The following DNAJC21 variants were observed in gnomAD, a reference collection of about 807,000 sequenced individuals.
DNAJC21 encodes dnaJ homolog subfamily C member 21.
A neutral mutation model predicts 72.4 loss-of-function variants in DNAJC21; 63 were observed. The ratio of observed to expected loss-of-function variants is 0.87; its 90% CI spans 0.71 to 1.07. The LOEUF is 1.07. Ranked by LOEUF, DNAJC21 falls within the 50% of genes least tolerant of loss-of-function variation. DNAJC21 has a pLI of 0.00. For synonymous variants in DNAJC21, 203 were observed against 216.7 expected, an observed-to-expected ratio of 0.94 and a Z score of 0.56; for missense variants, 634 against 644.8, an observed-to-expected ratio of 0.98 and a Z score of 0.18.
intron 10 of DNAJC21, chr5:34,951,736 G>A (rs1765373704): frequency 1.1e-6 from 1 of 872,676 alleles, no homozygotes; most frequent in Non-Finnish European, 1.4e-6. Flanking sequence ...ATGTTGCACA[G>A]GGTGGTCTTG....
At position 34,937,318 on chromosome 5, in the gene DNAJC21, G is replaced by A; in HGVS notation, c.439-8G>A. Reference sequence around the variant, plus strand: ...GCGCAGAAGTTAATCTGTTTTCTTTGTCACTAGGTAGTCCATCCTTTCTAC... The same window carrying A: ...GCGCAGAAGTTAATCTGTTTTCTTTATCACTAGGTAGTCCATCCTTTCTAC... On this transcript the variant is annotated splice_polypyrimidine_tract_variant and splice_region_variant and intron_variant, in intron 4 of 11. Transcript: ENST00000648817. 1.3e-6 allele frequency: 2 copies of A among 1,583,064 alleles called. No individual in the cohort carries two copies. Among genetic ancestry groups the A allele is most frequent in the South Asian group, 1.2e-5 (1 of 85,684 alleles).
chr5:34,937,502 G>T lies in DNAJC21; in HGVS notation c.615G>T (p.Gln205His), dbSNP rs1339210844. The change falls in exon 5 of 12, where the codon CAG (glutamine) becomes CAT (histidine). Residue 205 changes from glutamine to histidine, a missense_variant. By Grantham distance (24) the Gln-to-His change is conservative. Coordinates refer to ENST00000648817, the MANE Select transcript of DNAJC21 (RefSeq NM_001012339.3). ...AAGAGAAGAATGAGCTTGTCCGTCA[G>T]CTGGTAGCTTTCATTCGTAAAAGAG... is the stretch of plus-strand genomic sequence containing the variant. ...ARKEKNELVRQLVAFIRKRDK... is the reference protein window; with the variant it reads ...ARKEKNELVRHLVAFIRKRDK... 1 of 1,614,180 alleles carries T rather than the reference G, an allele frequency of 6.2e-7. No homozygotes were observed. Among genetic ancestry groups the T allele is most frequent in the East Asian group, 2.2e-5 (1 of 44,890 alleles).
chr5:34,940,648 C>T (rs1446084213), intron 6 of DNAJC21, among the ~76,000 whole-genome samples: 1 of 152,092 alleles, frequency 6.6e-6, no homozygotes, highest in African/African-American at 2.4e-5. Flanking sequence ...AATATGTTAA[C>T]TTATGGCCTA....
Position 34,933,950 on chromosome 5 carries a change from G to A in DNAJC21, c.191+42G>A, listed in dbSNP as rs1314154096. 3 of 1,580,108 alleles carry A rather than the reference G, an allele frequency of 1.9e-6. No individual in the cohort carries two copies. In the African/African-American group the frequency reaches 4.1e-5, roughly 21 times the overall value. ...CCTTCCCATCCTAGTTTATGATGTT[G>A]GGAGCAGTTATCAATATAGGTGGTT... On this transcript the variant is annotated intron_variant, in intron 2 of 11. Coordinates refer to ENST00000648817, the MANE Select transcript of DNAJC21 (RefSeq NM_001012339.3).
intron 2 of DNAJC21, among the ~76,000 whole-genome samples, chr5:34,934,290 G>A (rs925480102): frequency 1.3e-5 from 2 of 151,798 alleles, no homozygotes; most frequent in Non-Finnish European, 2.9e-5. Flanking sequence ...GTGCAGTGGC[G>A]CAATCTCAGC....
intron 6 of DNAJC21, among the ~76,000 whole-genome samples, chr5:34,939,414 C>T (rs566053657): frequency 9.9e-4 from 151 of 152,104 alleles, no homozygotes; most frequent in Non-Finnish European, 1.8e-3. Context: ...TACAGGCGCC[C>T]GCCACCGCGC....
At chr5:34,950,473 G>T in intron 10 of DNAJC21, 131 bp downstream of exon 10, 1 of 1,421,208 alleles carries the variant, frequency 7.0e-7, no homozygotes, top group South Asian at 1.6e-5. Flanking sequence ...ACATATTTAT[G>T]TATAGATACA....
intron 9 of DNAJC21, 143 bp from the exon 10 acceptor site, chr5:34,950,027 A>G: frequency 1.1e-6 from 1 of 929,632 alleles, no homozygotes; most frequent in Non-Finnish European, 1.5e-6. Flanking sequence ...ATTTACTATC[A>G]CTGTAATGAG....
rs1765601578 is a variant in DNAJC21, at chr5:34,958,681, C to G, written c.*3967C>G. ...GAATACATTAAAGAAGCAAAAGAAC[C>G]TCATACAAAAGTCATTGAGTAAATG... is the stretch of plus-strand genomic sequence containing the variant. On this transcript the variant is annotated 3_prime_UTR_variant, in exon 12 of 12. Transcript: ENST00000648817. The G allele has an allele frequency of 6.6e-6, 1 of 152,072 alleles. No homozygotes were observed. Among genetic ancestry groups the G allele is most frequent in the African/African-American group, 2.4e-5 (1 of 41,418 alleles). 9.4% of individuals were successfully genotyped at this position (152,072 alleles called of 1,614,324 possible). A position where few individuals can be genotyped will look rare whatever the true frequency, so the allele number is the denominator to read the frequency against.
chr5:34,937,706 C>T, intron 5 of DNAJC21, 76 bp downstream of exon 5: 1 of 1,503,132 alleles, frequency 6.7e-7, no homozygotes, highest in Non-Finnish European at 8.9e-7. Context: ...CTTACATGTT[C>T]ATGTTGGGTT....
At chr5:34,949,681 C>T (rs759436839) in intron 9 of DNAJC21, 13 of 1,613,786 alleles carry the variant, frequency 8.1e-6, no homozygotes, top group East Asian at 2.2e-5. Context: ...CAGACAGGTA[C>T]GCTTAGGATA....
At chr5:34,942,613 T>G (rs1223985207) in intron 7 of DNAJC21, among the ~76,000 whole-genome samples, 2 of 152,188 alleles carry the variant, frequency 1.3e-5, no homozygotes, top group Non-Finnish European at 1.5e-5. Flanking sequence ...AAGAAGAGAA[T>G]ATAGTGTGTC....
Position 34,938,865 on chromosome 5 carries a change from G to A in DNAJC21, c.751G>A (p.Glu251Lys). Reference sequence around the variant, plus strand: ...TGTGCTGTATGTGTCTAGACTGGTGGAGCAGTACAGAGAACAGAGCTGGAT... The same window carrying A: ...TGTGCTGTATGTGTCTAGACTGGTGAAGCAGTACAGAGAACAGAGCTGGAT... ...QQKLKQAKLV[E>K]QYREQSWMTM... Residue 251 changes from glutamate to lysine, a missense_variant, in exon 6 of 12, where the codon GAG becomes AAG. Physicochemically the swap from Glu to Lys is moderately conservative, Grantham distance 56. Coordinates refer to ENST00000648817, the MANE Select transcript of DNAJC21 (RefSeq NM_001012339.3). 1.2e-6 allele frequency: 2 copies of A among 1,612,540 alleles called. No homozygotes were observed. The highest frequency in any genetic ancestry group is 1.7e-6 in the Non-Finnish European group (2 of 1,179,530).
intron 2 of DNAJC21, 122 bp downstream of exon 2, chr5:34,934,030 C>A: frequency 1.4e-6 from 1 of 706,110 alleles, no homozygotes; most frequent in Non-Finnish European, 2.2e-6. Context: ...AAACATCTGT[C>A]ACCTAGTCAT....
At chr5:34,935,559 T>C in intron 2 of DNAJC21, 151 bp from the exon 3 acceptor site, 1 of 799,728 alleles carries the variant, frequency 1.3e-6, no homozygotes, top group South Asian at 1.9e-5. Flanking sequence ...ATGAACTCTT[T>C]TCATGTTAAT....
At chr5:34,943,530 T>C (rs1210495192) in intron 7 of DNAJC21, among the ~76,000 whole-genome samples, 1 of 152,240 alleles carries the variant, frequency 6.6e-6, no homozygotes, top group Non-Finnish European at 1.5e-5. Flanking sequence ...AATTTTACTA[T>C]AGAGTTAGTA....
chr5:34,942,882 A>G (rs765865021), intron 7 of DNAJC21, among the ~76,000 whole-genome samples: 3 of 152,154 alleles, frequency 2.0e-5, no homozygotes, highest in Non-Finnish European at 4.4e-5. Context: ...CAGCCTGACC[A>G]ACATGGAGAA....
chr5:34,949,575 A>C (rs754897434), intron 9 of DNAJC21: 28 of 1,568,538 alleles, frequency 1.8e-5, no homozygotes, highest in African/African-American at 6.8e-5. Flanking sequence ...ATCTGCCTGC[A>C]GCTCACTTTC....
chr5:34,952,623 A>C (rs1005966647), intron 10 of DNAJC21: 1 of 152,176 alleles, frequency 6.6e-6, no homozygotes, highest in Non-Finnish European at 1.5e-5. Context: ...AGATGAGTAG[A>C]GGAATGTTCA....
Sources: allele counts gnomAD v4.1 joint callset (sites outside exome capture counted in the v4.1 genomes callset), GRCh38; gene constraint gnomAD v4.1.1; transcripts MANE v1.5; gene names NCBI Gene and HGNC (gene_info 2026-07-23, HGNC 2026-07-21).